GPATCH2L: variants seen among roughly 807,000 people sequenced by gnomAD.
The protein encoded by GPATCH2L is G-patch domain containing 2 like.
A neutral mutation model predicts 57.4 loss-of-function variants in GPATCH2L; 31 were observed. That is an observed-to-expected ratio of 0.54 (90% CI 0.41 to 0.73). The LOEUF is 0.73. Among genes scored for constraint, GPATCH2L ranks in the 30% least tolerant of loss-of-function variants. The pLI is 0.00. For missense variants in GPATCH2L, 481 were observed against 599.9 expected (o/e 0.80, Z 2.07); for synonymous variants, 199 against 210.7 (o/e 0.94, Z 0.48).
At chr14:76,185,355 A>G (rs933491082) in intron 8 of GPATCH2L, among the ~76,000 whole-genome samples, 1 of 152,268 alleles carries the variant, frequency 6.6e-6, no homozygotes, top group Non-Finnish European at 1.5e-5. Flanking sequence ...TTAAGGGCAC[A>G]GTCACAAACT....
At chr14:76,177,538 A>G (rs941829746) in intron 6 of GPATCH2L, among the ~76,000 whole-genome samples, 3 of 151,898 alleles carry the variant, frequency 2.0e-5, no homozygotes, top group African/African-American at 7.3e-5. Context: ...GGCTAATTTT[A>G]CATAGAAAAT....
At chr14:76,224,044 C>T (rs575148571) in intron 1 of GPATCH2L, among the ~76,000 whole-genome samples, 9 of 152,326 alleles carry the variant, frequency 5.9e-5, no homozygotes, top group African/African-American at 2.2e-4. Flanking sequence ...TACAATAAAA[C>T]ATCATTCTGC....
At chr14:76,159,346 A>G (rs1230635643) in intron 2 of GPATCH2L, among the ~76,000 whole-genome samples, 1 of 152,244 alleles carries the variant, frequency 6.6e-6, no homozygotes, top group Non-Finnish European at 1.5e-5. Context: ...TTAGAATGAT[A>G]TTCCCTTTTC....
intron 9 of GPATCH2L, among the ~76,000 whole-genome samples, chr14:76,201,390 T>A (rs1313641469): frequency 3.3e-5 from 5 of 152,214 alleles, no homozygotes; most frequent in Admixed American, 2.6e-4. Flanking sequence ...GTATTCATTG[T>A]TTAAGCAATA....
intron 7 of GPATCH2L, 78 bp from the exon 8 acceptor site, chr14:76,180,686 A>C (rs887035479): frequency 3.3e-6 from 3 of 896,412 alleles, no homozygotes; most frequent in East Asian, 2.4e-5. Flanking sequence ...GGGGAAAAGT[A>C]ATCAAATGTA....
At position 76,155,043 on chromosome 14, in the gene GPATCH2L, A is replaced by G. The variant is rs1227602555; in HGVS notation, c.662+18A>G. On this transcript the variant is annotated intron_variant, in intron 2 of 9. Transcript: ENST00000261530. ...TCAGAATGGTGAGATCTCCCTTACT[A>G]AGTCAAAGATTTTCCTGGTTAATTT... The G allele has an allele frequency of 7.6e-6, 12 of 1,587,782 alleles. No individual in the cohort carries two copies. Among genetic ancestry groups the G allele is most frequent in the Non-Finnish European group, 1.0e-5 (12 of 1,168,070 alleles).
At chr14:76,171,764 C>A (rs2039096359) in intron 3 of GPATCH2L, 79 bp from the exon 4 acceptor site, 2 of 811,992 alleles carry the variant, frequency 2.5e-6, no homozygotes, top group Non-Finnish European at 3.8e-6. Flanking sequence ...AACTATGGCA[C>A]TAAGAAATCA....
At chr14:76,182,269 A>G (rs773701679) in intron 8 of GPATCH2L, among the ~76,000 whole-genome samples, 4 of 146,920 alleles carry the variant, frequency 2.7e-5, no homozygotes, top group Non-Finnish European at 6.0e-5. Context: ...AGGCAGGAGA[A>G]TGGCGTGAAC....
At chr14:76,215,597 G>T (rs867396605), downstream of GPATCH2L, among the ~76,000 whole-genome samples, 22 of 151,404 alleles carry the variant, frequency 1.5e-4, no homozygotes, top group Non-Finnish European at 2.8e-4. Flanking sequence ...TAAAAAATGA[G>T]GAGTTCATGT....
chr14:76,176,361 C>T (rs1427396618), intron 5 of GPATCH2L: 1 of 462,508 alleles, frequency 2.2e-6, no homozygotes, highest in Admixed American at 3.6e-5. Flanking sequence ...TATTAAAATA[C>T]CATATATGGT....
intron 8 of GPATCH2L, among the ~76,000 whole-genome samples, chr14:76,191,058 G>A (rs1253670966): frequency 6.6e-6 from 1 of 152,034 alleles, no homozygotes; most frequent in Non-Finnish European, 1.5e-5. Context: ...GAAATATCTC[G>A]TTACTCTTTC....
rs1415387828 is a variant in GPATCH2L at position 76,208,528 on chromosome 14, C to G, written c.*6677C>G. 1 of 152,540 alleles carries G rather than the reference C, an allele frequency of 6.6e-6. No individual in the cohort carries two copies. Among genetic ancestry groups the G allele is most frequent in the Non-Finnish European group, 1.5e-5 (1 of 68,146 alleles). The allele number at this position is 152,540 out of a possible 1,614,324, so 9.4% of individuals were successfully genotyped here. On this transcript the variant is annotated 3_prime_UTR_variant, in exon 10 of 10. Transcript: ENST00000261530. Reference sequence around the variant, plus strand: ...AGCAGTTAATCTCAGCCCTCCCCCACCACATAACAGCCTCGGGCAGAACTT... The same window carrying G: ...AGCAGTTAATCTCAGCCCTCCCCCAGCACATAACAGCCTCGGGCAGAACTT...
At chr14:76,188,153 A>G (rs1041366255) in intron 8 of GPATCH2L, among the ~76,000 whole-genome samples, 8 of 152,140 alleles carry the variant, frequency 5.3e-5, no homozygotes, top group Non-Finnish European at 1.0e-4. Flanking sequence ...AATTTTGGCT[A>G]TTGTGAACAG....
chr14:76,196,127 C>T (rs1307878407), intron 9 of GPATCH2L, 155 bp downstream of exon 9: 1 of 723,242 alleles, frequency 1.4e-6, no homozygotes, highest in East Asian at 2.7e-5. Flanking sequence ...AATAATTAGC[C>T]TAGTTCTTGC....
At chr14:76,157,714 A>G (rs2038376351) in intron 2 of GPATCH2L, among the ~76,000 whole-genome samples, 1 of 151,922 alleles carries the variant, frequency 6.6e-6, no homozygotes, top group Non-Finnish European at 1.5e-5. Context: ...TTTAGATTTG[A>G]AAATGTGTGT....
At chr14:76,180,491 C>T (rs190066828) in intron 7 of GPATCH2L, among the ~76,000 whole-genome samples, 40 of 152,296 alleles carry the variant, frequency 2.6e-4, no homozygotes, top group Non-Finnish European at 4.9e-4. Context: ...AAAAAACTGT[C>T]TTCTGCCATT....
chr14:76,177,475 C>T (rs867984981), intron 6 of GPATCH2L, among the ~76,000 whole-genome samples: 9 of 151,716 alleles, frequency 5.9e-5, no homozygotes, highest in Admixed American at 5.9e-4. Flanking sequence ...TTTCATATAT[C>T]TTGTATGCAT....
At chr14:76,191,518 A>G (rs2139779702) in intron 8 of GPATCH2L, among the ~76,000 whole-genome samples, 1 of 152,200 alleles carries the variant, frequency 6.6e-6, no homozygotes, top group South Asian at 2.1e-4. Flanking sequence ...GGCTGTGCTA[A>G]TATTCTGAAT....
intron 2 of GPATCH2L, among the ~76,000 whole-genome samples, chr14:76,231,588 C>A (rs866269730): frequency 2.4e-4 from 36 of 148,926 alleles, no homozygotes; most frequent in African/African-American, 9.0e-4. Context: ...TATGGAATCA[C>A]CCCTAGTATG....
Sources: allele counts gnomAD v4.1 joint callset (sites outside exome capture counted in the v4.1 genomes callset), GRCh38; gene constraint gnomAD v4.1.1; transcripts MANE v1.5; gene names NCBI Gene and HGNC (gene_info 2026-07-23, HGNC 2026-07-21).